The following LIMK1 variants were observed in gnomAD, a reference collection of about 807,000 sequenced individuals.
LIMK1 encodes the protein LIM domain kinase 1.
Under a neutral mutation model 77.6 loss-of-function variants are expected in LIMK1, and 21 were observed. That is an observed-to-expected ratio of 0.27 (90% confidence interval 0.19 to 0.39). The LOEUF (loss-of-function observed/expected upper bound fraction) is 0.39. Ranked by LOEUF, LIMK1 falls within the 10% of genes least tolerant of loss-of-function variation. The pLI is 1.00. For synonymous variants in LIMK1, 358 were observed against 370.0 expected (o/e 0.97, Z 0.37); for missense variants, 696 against 901.6 (o/e 0.77, Z 2.92).
intron 12 of LIMK1, among the ~76,000 whole-genome samples, chr7:74,114,316 C>T (rs1409733316): frequency 6.6e-6 from 1 of 151,458 alleles, no homozygotes; most frequent in African/African-American, 2.4e-5. Context: ...CCAAGATGGG[C>T]AGATTGCTTG....
At chr7:74,106,356 G>A (rs895219537) in intron 7 of LIMK1, 113 bp downstream of exon 7, 2 of 1,263,912 alleles carry the variant, frequency 1.6e-6, no homozygotes, top group South Asian at 1.4e-5. Context: ...CCAGGCTTGA[G>A]CCAGGGAGGT....
chr7:74,112,001 G>A lies in LIMK1; in HGVS notation c.1410+3G>A, dbSNP rs1563922409. The A allele has an allele frequency of 1.9e-6, 3 of 1,604,440 alleles. No homozygotes were observed. The highest frequency in any genetic ancestry group is 2.6e-6 in the Non-Finnish European group (3 of 1,174,884). On this transcript the variant is annotated splice_donor_region_variant and intron_variant, in intron 12 of 15. Coordinates refer to ENST00000336180, the MANE Select transcript of LIMK1 (RefSeq NM_002314.4). ...CCCACAACTGCCTGGTCCGCGAGGT[G>A]AGTACCAGGGCCCCACGTGGCTGGG...
intron 2 of LIMK1, chr7:74,093,975 G>C (rs1554695172): frequency 6.6e-6 from 1 of 152,334 alleles, no homozygotes; most frequent in African/African-American, 2.4e-5. Context: ...GGTTCACTGA[G>C]GCCCCGAGCC....
Position 74,115,975 on chromosome 7 carries a change from T to A in LIMK1, c.1567+17T>A. ...TGATCAACGGTGAGTGGTTCAGCCCTGCCCATCATGGCCCTCACGGGAAGC... is the reference window on the plus strand; with the variant it reads ...TGATCAACGGTGAGTGGTTCAGCCCAGCCCATCATGGCCCTCACGGGAAGC... On this transcript the variant is annotated intron_variant, in intron 13 of 15. Coordinates refer to ENST00000336180, the MANE Select transcript of LIMK1 (RefSeq NM_002314.4). The A allele has an allele frequency of 6.2e-7, 1 of 1,606,064 alleles. No homozygotes were observed. Among genetic ancestry groups the A allele is most frequent in the Non-Finnish European group, 8.5e-7 (1 of 1,173,686 alleles).
chr7:74,093,361 C>T, intron 2 of LIMK1: 1 of 1,529,370 alleles, frequency 6.5e-7, no homozygotes, highest in Non-Finnish European at 8.8e-7. Flanking sequence ...GGTGTAAGGC[C>T]TGGGGCTGGA....
At chr7:74,094,485 G>A (rs1799300578) in intron 2 of LIMK1, among the ~76,000 whole-genome samples, 1 of 151,950 alleles carries the variant, frequency 6.6e-6, no homozygotes, top group South Asian at 2.1e-4. Flanking sequence ...CGGGGGCCCT[G>A]CTTCCTGCAG....
At chr7:74,120,487 G>A (rs1051772149) in intron 13 of LIMK1, 96 bp from the exon 14 acceptor site, 45 of 1,368,736 alleles carry the variant, frequency 3.3e-5, no homozygotes, top group South Asian at 1.5e-4. Flanking sequence ...TGGACCTCCC[G>A]GCCGGGGCAT....
chr7:74,121,471 C>G lies in LIMK1; in HGVS notation c.*170C>G. The G allele has an allele frequency of 1.5e-6, 1 of 667,580 alleles. No homozygotes were observed. Among genetic ancestry groups the G allele is most frequent in the Non-Finnish European group, 2.5e-6 (1 of 404,924 alleles). 41.4% of individuals were successfully genotyped at this position (667,580 alleles called of 1,614,324 possible). Reference sequence around the variant, plus strand: ...GTGGACCGCTTCCCCTGCCTTCTCTCTGCCGTGGCCCAGAGCCGGCCCAGC... The same window carrying G: ...GTGGACCGCTTCCCCTGCCTTCTCTGTGCCGTGGCCCAGAGCCGGCCCAGC... On this transcript the variant is annotated 3_prime_UTR_variant, in exon 16 of 16. Transcript: ENST00000336180.
intron 7 of LIMK1, among the ~76,000 whole-genome samples, chr7:74,106,772 G>C (rs1292012057): frequency 2.0e-5 from 3 of 152,152 alleles, no homozygotes; most frequent in Non-Finnish European, 4.4e-5. Context: ...AAAAAAAGAG[G>C]ATGACAGAGC....
At chr7:74,092,740 T>A (rs1461462920) in intron 2 of LIMK1, among the ~76,000 whole-genome samples, 1 of 152,208 alleles carries the variant, frequency 6.6e-6, no homozygotes, top group South Asian at 2.1e-4. Context: ...GCTGCTGGCC[T>A]GTGGGGTTGG....
Position 74,105,842 on chromosome 7 carries a change from T to A in LIMK1, c.609-33T>A, listed in dbSNP as rs1380051295. 7 of 1,528,982 alleles carry A rather than the reference T, an allele frequency of 4.6e-6. No homozygotes were observed. In the Admixed American group the frequency reaches 1.2e-4, roughly 26 times the overall value. The allele number at this position is 1,528,982 out of a possible 1,614,324, so 94.7% of individuals were successfully genotyped here. On this transcript the variant is annotated intron_variant, in intron 5 of 15. Transcript: ENST00000336180. The stretch of plus-strand genomic sequence containing the variant: ...TCCTGTTGGGGCTCTGAGGGACAGG[T>A]GGGCACTGGCCTGACCCCTGCCTTA...
intron 5 of LIMK1, among the ~76,000 whole-genome samples, chr7:74,101,457 A>G (rs1371732320): frequency 3.9e-5 from 6 of 152,342 alleles, no homozygotes; most frequent in Admixed American, 3.3e-4. Context: ...GCAGCAAGCT[A>G]TGATGACACC....
chr7:74,103,113 C>T (rs919622405), intron 5 of LIMK1, among the ~76,000 whole-genome samples: 3 of 152,120 alleles, frequency 2.0e-5, no homozygotes, highest in Non-Finnish European at 4.4e-5. Flanking sequence ...AATGATCCAC[C>T]CACCTCAGCC....
intron 1 of LIMK1, 45 bp from the exon 2 acceptor site, chr7:74,085,703 T>A: frequency 6.7e-7 from 1 of 1,490,402 alleles, no homozygotes; most frequent in African/African-American, 1.4e-5. Context: ...CTGCACCAGA[T>A]CACACTTCCT....
chr7:74,108,233 G>A (rs1799621869), intron 9 of LIMK1, among the ~76,000 whole-genome samples: 1 of 152,010 alleles, frequency 6.6e-6, no homozygotes, highest in Non-Finnish European at 1.5e-5. Flanking sequence ...AGCTACTCGG[G>A]GGGCTGAGGT....
intron 5 of LIMK1, among the ~76,000 whole-genome samples, chr7:74,104,087 T>C (rs1799520076): frequency 6.6e-6 from 1 of 151,750 alleles, no homozygotes; most frequent in Non-Finnish European, 1.5e-5. Flanking sequence ...GCCACCATGC[T>C]CAGCTAATTT....
rs782168892 is a variant in LIMK1, at chr7:74,120,886, G to A, written c.1624-6G>A. 4 of 1,614,120 alleles carry A rather than the reference G, an allele frequency of 2.5e-6. No individual in the cohort carries two copies. Among genetic ancestry groups the A allele is most frequent in the South Asian group, 1.1e-5 (1 of 91,078 alleles). On this transcript the variant is annotated splice_polypyrimidine_tract_variant and splice_region_variant and intron_variant, in intron 14 of 15. Coordinates refer to ENST00000336180, the MANE Select transcript of LIMK1 (RefSeq NM_002314.4). ...TGGAGTAACTGCCGGGCCTTGTACT[G>A]GACAGATCATCGGGCGGGTGAACGC...
intron 2 of LIMK1, among the ~76,000 whole-genome samples, chr7:74,088,333 G>T (rs151051382): frequency 2.0e-4 from 31 of 152,144 alleles, no homozygotes; most frequent in Admixed American, 1.9e-3. Flanking sequence ...AGGCCTTCGG[G>T]GGGCAAGAGG....
rs139320858 is a variant in LIMK1 at position 74,084,645 on chromosome 7, C to T, written c.55+600C>T. On this transcript the variant is annotated intron_variant, in intron 1 of 15. Transcript: ENST00000336180. ...TCATCCACTCTCCCTGTCCGTGCCCCAAACCCGGTGCCTGCCCTCAGTCTT... is the reference window on the plus strand; with the variant it reads ...TCATCCACTCTCCCTGTCCGTGCCCTAAACCCGGTGCCTGCCCTCAGTCTT... Among the ~76,000 whole-genome samples the T allele has an allele frequency of 1.6e-3, 248 of 152,294 alleles. 1 individual carries two copies. Among genetic ancestry groups the T allele is most frequent in the African/African-American group, 5.7e-3 (237 of 41,576 alleles).
Sources: gnomAD v4.1 joint callset for allele counts (sites outside exome capture counted in the v4.1 genomes callset) on GRCh38, gnomAD v4.1.1 for gene constraint, MANE v1.5 for transcripts, NCBI Gene and HGNC (gene_info 2026-07-23, HGNC 2026-07-21) for gene names.